PPP2R3A: variants seen among roughly 807,000 people sequenced by gnomAD.
The protein encoded by PPP2R3A is serine/threonine-protein phosphatase 2A regulatory subunit B'' subunit alpha.
A neutral mutation model predicts 106.9 loss-of-function variants in PPP2R3A; 80 were observed. The ratio of observed to expected loss-of-function variants is 0.75; its 90% CI spans 0.62 to 0.90. The LOEUF (loss-of-function observed/expected upper bound fraction) is 0.90, where lower values mean the gene tolerates loss of function less well. Ranked by LOEUF, PPP2R3A falls within the 40% of genes least tolerant of loss-of-function variation. The probability of loss-of-function intolerance (pLI) is 0.00; values close to 1 mark genes in which losing one functional copy is unlikely to be tolerated. For missense variants in PPP2R3A, 1,386 were observed against 1,350.4 expected (o/e 1.03, Z -0.41); for synonymous variants, 483 against 468.3 (o/e 1.03, Z -0.41).
At position 136,054,322 on chromosome 3, in the gene PPP2R3A, G is replaced by A. The variant is rs184993337; in HGVS notation, c.2469+4961G>A. On this transcript the variant is annotated intron_variant, in intron 5 of 13. Coordinates refer to ENST00000264977, the MANE Select transcript of PPP2R3A (RefSeq NM_002718.5). ...TCGCCAGGCTGGAGTGCAGTGGCACGATCTTGGCTCACTGCAACCTCCGCC... is the reference window on the plus strand; with the variant it reads ...TCGCCAGGCTGGAGTGCAGTGGCACAATCTTGGCTCACTGCAACCTCCGCC... 7.8e-3 allele frequency among the ~76,000 whole-genome samples: 1,064 copies of A among 136,712 alleles called. 4 individuals carry two copies. Among genetic ancestry groups the A allele is most frequent in the Non-Finnish European group, 0.012 (776 of 66,070 alleles). The allele number at this position is 136,712 out of a possible 152,430, so 89.7% of individuals were successfully genotyped here. A position where few individuals can be genotyped will look rare whatever the true frequency, so the allele number is the denominator to read the frequency against.
At chr3:136,105,901 A>C (rs1937502403) in intron 12 of PPP2R3A, among the ~76,000 whole-genome samples, 1 of 152,140 alleles carries the variant, frequency 6.6e-6, no homozygotes, top group South Asian at 2.1e-4. Flanking sequence ...CAGAGGCTGC[A>C]GTGAGCCGAG....
At chr3:135,970,799 T>A (rs920338626) in intron 1 of PPP2R3A, among the ~76,000 whole-genome samples, 2 of 152,326 alleles carry the variant, frequency 1.3e-5, no homozygotes, top group East Asian at 1.9e-4. Context: ...TTTTTAGGGA[T>A]GTAGGTCAAT....
Position 136,131,929 on chromosome 3 carries a change from G to A in PPP2R3A, c.3330-13114G>A, listed in dbSNP as rs866257187. 1.2e-4 allele frequency among the ~76,000 whole-genome samples: 17 copies of A among 147,336 alleles called. No homozygotes were observed. The Middle Eastern group carries it at 0.01, about 90-fold the overall frequency. The stretch of plus-strand genomic sequence containing the variant: ...CCACAAGGACAGAAAACCAAACACC[G>A]CATGTTCTCACTCATAGGTGGGAAT... On this transcript the variant is annotated intron_variant, in intron 13 of 13. Transcript: ENST00000264977.
chr3:136,021,055 A>G lies in PPP2R3A; in HGVS notation c.1996-5777A>G, dbSNP rs189056462. Among the ~76,000 whole-genome samples, 755 of 152,188 alleles carry G rather than the reference A, an allele frequency of 5.0e-3. 7 individuals carry two copies. The highest frequency in any genetic ancestry group is 7.1e-3 in the Non-Finnish European group (480 of 67,934). ...AGGAAAGGAATGAACCTACTCACCT[A>G]CAGCCACAGGTTGGTGTTGGGAAGG... On this transcript the variant is annotated intron_variant, in intron 2 of 13. Transcript: ENST00000264977.
intron 2 of PPP2R3A, among the ~76,000 whole-genome samples, chr3:136,010,381 G>A (rs1194708225): frequency 7.1e-6 from 1 of 140,398 alleles, no homozygotes; most frequent in African/African-American, 2.7e-5. Context: ...CTCCCGAGCA[G>A]CTGGGACTAC....
intron 2 of PPP2R3A, among the ~76,000 whole-genome samples, chr3:136,015,007 C>T (rs1382656575): frequency 1.3e-5 from 2 of 151,962 alleles, no homozygotes; most frequent in South Asian, 2.1e-4. Context: ...CCTTCTATGC[C>T]GATTTTGCTG....
intron 5 of PPP2R3A, among the ~76,000 whole-genome samples, chr3:136,051,955 G>A (rs148313063): frequency 4.6e-5 from 7 of 152,168 alleles, no homozygotes; most frequent in African/African-American, 1.7e-4. Flanking sequence ...TTTGCATAAT[G>A]GCTTTGATTA....
At chr3:136,028,234 C>A (rs539967218) in intron 3 of PPP2R3A, among the ~76,000 whole-genome samples, 1 of 152,300 alleles carries the variant, frequency 6.6e-6, no homozygotes, top group South Asian at 2.1e-4. Flanking sequence ...TCCCTGAACC[C>A]TCACTTGTCA....
chr3:135,989,663 A>C (rs1345761700), intron 1 of PPP2R3A, among the ~76,000 whole-genome samples: 3 of 152,120 alleles, frequency 2.0e-5, no homozygotes, highest in Admixed American at 6.6e-5. Flanking sequence ...AGCTGAAGTC[A>C]GTTTTCTCAT....
In PPP2R3A at chr3:136,090,635, G is replaced by T. The variant is rs1456517736; in HGVS notation, c.2895G>T (p.Leu965Phe). Reference sequence around the variant, plus strand: ...GCTATGCAGATTTTGTTTGGTTTTTGATCTCTGAAGAAGACAAAAGGAATC... The same window carrying T: ...GCTATGCAGATTTTGTTTGGTTTTTTATCTCTGAAGAAGACAAAAGGAATC... ...RMSYADFVWF[L>F]ISEEDKRNPT... Residue 965 changes from leucine (L) to phenylalanine (F), a missense_variant, in exon 10 of 14, where the codon TTG becomes TTT. By Grantham distance (22) the Leu-to-Phe change is conservative. Transcript: ENST00000264977. 1 of 1,613,484 alleles carries T rather than the reference G, an allele frequency of 6.2e-7. No individual in the cohort carries two copies. Among genetic ancestry groups the T allele is most frequent in the East Asian group, 2.2e-5 (1 of 44,840 alleles).
intron 1 of PPP2R3A, among the ~76,000 whole-genome samples, chr3:135,980,730 C>T (rs1248655592): frequency 6.6e-6 from 1 of 151,888 alleles, no homozygotes; most frequent in Non-Finnish European, 1.5e-5. Flanking sequence ...CATGATAAAG[C>T]CTGTTTAGGC....
At chr3:136,012,448 A>G (rs1934117141) in intron 2 of PPP2R3A, among the ~76,000 whole-genome samples, 1 of 152,212 alleles carries the variant, frequency 6.6e-6, no homozygotes, top group Admixed American at 6.5e-5. Context: ...AGCAAGACAC[A>G]AAAATGCTTA....
intron 6 of PPP2R3A, among the ~76,000 whole-genome samples, chr3:136,077,737 TCTC>T (rs1936643857): frequency 6.6e-6 from 1 of 152,132 alleles, no homozygotes; most frequent in African/African-American, 2.4e-5. Flanking sequence ...TTGCTTCTTA[TCTC>T]CTCTTCTCCC....
chr3:136,021,941 A>C (rs901189784), intron 2 of PPP2R3A, among the ~76,000 whole-genome samples: 1 of 152,160 alleles, frequency 6.6e-6, no homozygotes, highest in African/African-American at 2.4e-5. Context: ...GTTGTATGCA[A>C]ATATTACACA....
intron 13 of PPP2R3A, among the ~76,000 whole-genome samples, chr3:136,122,925 C>A (rs1470649619): frequency 6.6e-6 from 1 of 152,116 alleles, no homozygotes; most frequent in Admixed American, 6.6e-5. Context: ...TAAATTGATT[C>A]TTTGAAGGCA....
At position 136,040,978 on chromosome 3, in the gene PPP2R3A, G is replaced by A; in HGVS notation, c.2366+16G>A. 6.2e-7 allele frequency: 1 copy of A among 1,604,798 alleles called. No individual in the cohort carries two copies. The highest frequency in any genetic ancestry group is 8.5e-7 in the Non-Finnish European group (1 of 1,173,416). ...TGTGGAGAAAGTAAGTATGTGAGCA[G>A]TCTCTCTGGAGCTAGGCAAAGAATT... On this transcript the variant is annotated intron_variant, in intron 4 of 13. Coordinates refer to ENST00000264977, the MANE Select transcript of PPP2R3A (RefSeq NM_002718.5).
At chr3:136,078,244 C>A in intron 6 of PPP2R3A, 123 bp from the exon 7 acceptor site, 1 of 697,634 alleles carries the variant, frequency 1.4e-6, no homozygotes, top group Non-Finnish European at 2.5e-6. Flanking sequence ...CTAGGAATTA[C>A]ACTTAACATA....
At chr3:136,137,386 A>C (rs574936336) in intron 13 of PPP2R3A, among the ~76,000 whole-genome samples, 1 of 152,136 alleles carries the variant, frequency 6.6e-6, no homozygotes, top group South Asian at 2.1e-4. Flanking sequence ...AAAAACAGGA[A>C]TTTTAGTGCT....
chr3:136,094,145 A>G (rs1937161473), intron 10 of PPP2R3A, among the ~76,000 whole-genome samples: 1 of 152,276 alleles, frequency 6.6e-6, no homozygotes, highest in Non-Finnish European at 1.5e-5. Context: ...ATTCATTTAT[A>G]TGAGTTGTCC....
Sources: allele counts gnomAD v4.1 joint callset (sites outside exome capture counted in the v4.1 genomes callset), GRCh38; gene constraint gnomAD v4.1.1; transcripts MANE v1.5; gene names NCBI Gene and HGNC (gene_info 2026-07-23, HGNC 2026-07-21).